The following USP35 variants were observed in gnomAD, a reference collection of about 807,000 sequenced individuals.
The protein encoded by USP35 is ubiquitin carboxyl-terminal hydrolase 35.
A neutral mutation model predicts 83.8 loss-of-function variants in USP35; 69 were observed. That is an observed-to-expected ratio of 0.82 (90% CI 0.68 to 1.01). The LOEUF (loss-of-function observed/expected upper bound fraction) is 1.01, where lower values mean the gene tolerates loss of function less well. USP35 is among the 50% of genes least tolerant of loss of function. The pLI is 0.00. For missense variants in USP35, 1,503 were observed against 1,362.5 expected, an observed-to-expected ratio of 1.10 and a Z score of -1.62; for synonymous variants, 714 against 589.5, an observed-to-expected ratio of 1.21 and a Z score of -3.06.
rs1863569495 is a variant in USP35, at chr11:78,207,543, G to A, written c.1405G>A (p.Val469Met). Residue 469 changes from valine to methionine, a missense_variant, in exon 8 of 11, where the codon GTG becomes ATG. Physicochemically the swap from Val to Met is conservative, Grantham distance 21. Transcript: ENST00000529308. The part of the protein sequence containing the change: ...LFMASDFRHC[V>M]LRLTENNSQP... ...TTTGTTTTGAAGCTTCAGACATTGTGTGCTCCGCTTGACTGAGAACAACTC... is the reference window on the plus strand; with the variant it reads ...TTTGTTTTGAAGCTTCAGACATTGTATGCTCCGCTTGACTGAGAACAACTC... 6.2e-7 allele frequency: 1 copy of A among 1,614,134 alleles called. No homozygotes were observed. The highest frequency in any genetic ancestry group is 8.5e-7 in the Non-Finnish European group (1 of 1,180,028).
the USP35 span, among the ~76,000 whole-genome samples, chr11:78,225,532 T>G: frequency 9.3e-4 from 141 of 152,358 alleles, 1 homozygote; most frequent in African/African-American, 3.3e-3. Flanking sequence ...GTAACAATAC[T>G]TGTCCTGATT....
chr11:78,196,805 A>C lies in USP35; in HGVS notation c.560A>C (p.Glu187Ala), dbSNP rs1863162006. 6.5e-7 allele frequency: 1 copy of C among 1,534,556 alleles called. No homozygotes were observed. Among genetic ancestry groups the C allele is most frequent in the Non-Finnish European group, 8.7e-7 (1 of 1,145,950 alleles). The stretch of plus-strand genomic sequence containing the variant: ...GCCGAAGGCGAGGAGGGCGCCGTGG[A>C]GTTCCTAGAGCAGGCCCAGCAGGTG... ...CPAEGEEGAV[E>A]FLEQAQQVSG... is the part of the protein sequence containing the mutation. The change falls in exon 2 of 11, where the codon GAG becomes GCG. Residue 187 changes from glutamate (E) to alanine (A), a missense_variant. Glu to Ala is a moderately radical substitution (Grantham distance 107, BLOSUM62 -1). Transcript: ENST00000529308. This position sits in a 1 kb window ranked among gnomAD's most constrained non-coding sequence, Gnocchi z 4.8.
intron 6 of USP35, among the ~76,000 whole-genome samples, chr11:78,205,564 C>T (rs1440963065): frequency 6.6e-6 from 1 of 152,204 alleles, no homozygotes; most frequent in African/African-American, 2.4e-5. Context: ...CAATTATTTT[C>T]TCTGTCTGAA....
chr11:78,236,596 T>C, the USP35 span, among the ~76,000 whole-genome samples: 1 of 152,236 alleles, frequency 6.6e-6, no homozygotes, highest in Non-Finnish European at 1.5e-5. Flanking sequence ...ATCTTAGCTA[T>C]AGGGTTCCTT....
At position 78,196,807 on chromosome 11, in the gene USP35, T is replaced by C; in HGVS notation, c.562T>C (p.Phe188Leu). 6.5e-7 allele frequency: 1 copy of C among 1,533,600 alleles called. No individual in the cohort carries two copies. Among genetic ancestry groups the C allele is most frequent in the African/African-American group, 1.4e-5 (1 of 72,918 alleles). The allele number at this position is 1,533,600 out of a possible 1,614,324, so 95.0% of individuals were successfully genotyped here. ...PAEGEEGAVE[F>L]LEQAQQVSGL... ...CGAAGGCGAGGAGGGCGCCGTGGAG[T>C]TCCTAGAGCAGGCCCAGCAGGTGAG... Residue 188 changes from phenylalanine (F) to leucine (L), a missense_variant, in exon 2 of 11, where the codon TTC (phenylalanine) becomes CTC (leucine). Transcript: ENST00000529308. The surrounding 1 kb of genome is among the most constrained non-coding windows in gnomAD (Gnocchi z 4.8).
intron 6 of USP35, among the ~76,000 whole-genome samples, chr11:78,202,139 A>G (rs1243388151): frequency 6.6e-6 from 1 of 152,206 alleles, no homozygotes; most frequent in Non-Finnish European, 1.5e-5. Context: ...GAGTGAGGCA[A>G]GTGCGTGGCT....
chr11:78,213,787 G>T lies in USP35; in HGVS notation c.3031G>T (p.Gly1011Cys). 6.4e-7 allele frequency: 1 copy of T among 1,550,984 alleles called. No homozygotes were observed. The highest frequency in any genetic ancestry group is 8.6e-7 in the Non-Finnish European group (1 of 1,156,828). Reference sequence around the variant, plus strand: ...CTGCAATCCTGCAGGTGGCAATGGTGGTGACTTCCACAGACTGGTCTTCTA... The same window carrying T: ...CTGCAATCCTGCAGGTGGCAATGGTTGTGACTTCCACAGACTGGTCTTCTA... ...GGCNPAGGNG[G>C]DFHRLVF The change falls in exon 11 of 11, where the codon GGT (glycine) becomes TGT (cysteine). Residue 1011 changes from glycine (G) to cysteine (C), a missense_variant. Coordinates refer to ENST00000529308, the MANE Select transcript of USP35 (RefSeq NM_020798.4).
At chr11:78,225,260 C>A in the USP35 span, 19 of 1,118,146 alleles carry the variant, frequency 1.7e-5, no homozygotes, top group Non-Finnish European at 2.6e-5. Flanking sequence ...TTGACACTTA[C>A]CCATACCCTC....
At chr11:78,201,275 G>T (rs938496241) in intron 6 of USP35, among the ~76,000 whole-genome samples, 3 of 152,150 alleles carry the variant, frequency 2.0e-5, no homozygotes, top group African/African-American at 7.2e-5. Context: ...ATCACTGTCT[G>T]TCTGCCTCCC....
chr11:78,191,885 C>A (rs943761215), intron 1 of USP35, among the ~76,000 whole-genome samples: 4 of 150,386 alleles, frequency 2.7e-5, no homozygotes, highest in Non-Finnish European at 5.9e-5. Flanking sequence ...GCTCTGTCCC[C>A]CAGGCTGGAG....
At chr11:78,219,049 A>T (rs1864285725), downstream of USP35, 1 of 540,042 alleles carries the variant, frequency 1.9e-6, no homozygotes, top group Non-Finnish European at 3.3e-6. Context: ...GCCATTACTG[A>T]TAAAAATCAC....
chr11:78,212,846 T>C (rs1863843862), intron 10 of USP35, among the ~76,000 whole-genome samples: 1 of 152,068 alleles, frequency 6.6e-6, no homozygotes. Flanking sequence ...TTAATGCAGT[T>C]AATAAGTGTG....
At chr11:78,231,336 G>GGTGTGT in the USP35 span, among the ~76,000 whole-genome samples, 1,802 of 145,860 alleles carry the variant, frequency 0.012, 8 homozygotes, top group Middle Eastern at 0.038. Context: ...GCGCGTGTGT[G>GGTGTGT]GTGTGTGTGT....
the USP35 span, chr11:78,225,063 C>T: frequency 2.5e-4 from 307 of 1,248,516 alleles, no homozygotes; most frequent in African/African-American, 4.1e-3. Context: ...TGACCTTTTA[C>T]CTAACCAGGC....
the USP35 span, among the ~76,000 whole-genome samples, chr11:78,224,050 C>T: frequency 6.6e-6 from 1 of 152,010 alleles, no homozygotes; most frequent in Non-Finnish European, 1.5e-5. Context: ...CCACTGCACT[C>T]CAGCCTGGGT....
chr11:78,205,113 G>GGT (rs1459694412), intron 6 of USP35, among the ~76,000 whole-genome samples: 2 of 152,220 alleles, frequency 1.3e-5, no homozygotes, highest in African/African-American at 2.4e-5. Flanking sequence ...ACTAGTGCTT[G>GGT]GTGGTATTCT....
In USP35 at chr11:78,209,540, G is replaced by T; in HGVS notation, c.1685G>T (p.Ser562Ile). ...CCGCCCGAGGAGCCCCCGGCCCCAA[G>T]TTCAACCTCTGTGGAAAAAATGTTT... ...PSPPEEPPAP[S>I]STSVEKMFGG... Residue 562 changes from serine to isoleucine, a missense_variant, in exon 10 of 11, where the codon AGT (serine) becomes ATT (isoleucine). By Grantham distance (142) the Ser-to-Ile change is moderately radical. Coordinates refer to ENST00000529308, the MANE Select transcript of USP35 (RefSeq NM_020798.4). The T allele has an allele frequency of 6.2e-7, 1 of 1,614,114 alleles. No individual in the cohort carries two copies. The highest frequency in any genetic ancestry group is 8.5e-7 in the Non-Finnish European group (1 of 1,179,976).
the USP35 span, among the ~76,000 whole-genome samples, chr11:78,229,621 A>T: frequency 3.3e-5 from 5 of 152,228 alleles, no homozygotes; most frequent in Admixed American, 2.6e-4. Context: ...CATCCTACTA[A>T]TATTTACTTT....
downstream of USP35, chr11:78,220,174 C>CT: frequency 1.3e-6 from 1 of 790,416 alleles, no homozygotes; most frequent in Non-Finnish European, 2.1e-6. Flanking sequence ...AGCTCTATGA[C>CT]TAAAGATGCA....
Sources: allele counts gnomAD v4.1 joint callset (sites outside exome capture counted in the v4.1 genomes callset), GRCh38; gene constraint gnomAD v4.1.1; non-coding constraint Gnocchi (gnomAD v3.1); transcripts MANE v1.5; gene names NCBI Gene and HGNC (gene_info 2026-07-23, HGNC 2026-07-21).